Variants in LHFPL6 observed in about 807,000 individuals in gnomAD.
LHFPL6 encodes the protein LHFPL tetraspan subfamily member 6 protein.
In LHFPL6, 9 loss-of-function variants were observed where a neutral mutation model predicts 20.6. The observed-to-expected ratio is 0.44, with a 90% CI of 0.26 to 0.76. The LOEUF is 0.76. Among genes scored for constraint, LHFPL6 ranks in the 30% least tolerant of loss-of-function variants. The probability of loss-of-function intolerance (pLI) is 0.20; values close to 1 mark genes in which losing one functional copy is unlikely to be tolerated. For missense variants in LHFPL6, 218 were observed against 253.5 expected (o/e 0.86, Z 0.95); for synonymous variants, 105 against 98.7 (o/e 1.06, Z -0.38).
chr13:39,394,174 A>G (rs539756060), intron 2 of LHFPL6, among the ~76,000 whole-genome samples: 1 of 152,172 alleles, frequency 6.6e-6, no homozygotes, highest in Non-Finnish European at 1.5e-5. Context: ...TCCTGGCCTC[A>G]AGCAATCCTC....
intron 2 of LHFPL6, among the ~76,000 whole-genome samples, chr13:39,578,293 A>C (rs1436079786): frequency 6.6e-6 from 1 of 152,198 alleles, no homozygotes; most frequent in African/African-American, 2.4e-5. Flanking sequence ...AGCATAAAGC[A>C]ACAGCCGCGG....
At chr13:39,599,943 C>T (rs1347491242) in intron 2 of LHFPL6, among the ~76,000 whole-genome samples, 1 of 152,200 alleles carries the variant, frequency 6.6e-6, no homozygotes, top group African/African-American at 2.4e-5. Flanking sequence ...TATTTCCCTT[C>T]ACTCTGCACT....
At chr13:39,354,031 A>C (rs1009390873) in intron 3 of LHFPL6, among the ~76,000 whole-genome samples, 3 of 152,174 alleles carry the variant, frequency 2.0e-5, no homozygotes, top group East Asian at 3.8e-4. Flanking sequence ...ATGCTTCCAA[A>C]GTCACCAGAG....
At chr13:39,371,310 G>C (rs1870161481) in intron 3 of LHFPL6, among the ~76,000 whole-genome samples, 1 of 152,226 alleles carries the variant, frequency 6.6e-6, no homozygotes, top group South Asian at 2.1e-4. Context: ...GATATAATTA[G>C]AAAAGTCTTT....
intron 3 of LHFPL6, among the ~76,000 whole-genome samples, chr13:39,369,746 G>T (rs1870119035): frequency 6.6e-6 from 1 of 151,388 alleles, no homozygotes; most frequent in African/African-American, 2.4e-5. Flanking sequence ...CACAACTTTT[G>T]TTGCCTAGAA....
In LHFPL6 at chr13:39,401,903, G is replaced by A. The variant is rs60749518; in HGVS notation, c.386-23377C>T. ...GGAAGATAGGGAATGATCCAGGCCT[G>A]TGCTTTACAAAATGAACAATGGGTT... On this transcript the variant is annotated intron_variant, in intron 2 of 3. Transcript: ENST00000379589. Among the ~76,000 whole-genome samples, 580 of 152,286 alleles carry A rather than the reference G, an allele frequency of 3.8e-3. 3 individuals carry two copies. Among genetic ancestry groups the A allele is most frequent in the African/African-American group, 0.013 (558 of 41,560 alleles).
intron 2 of LHFPL6, among the ~76,000 whole-genome samples, chr13:39,562,425 T>TACATACATATAC (rs1871527284): frequency 1.0e-5 from 1 of 99,000 alleles, no homozygotes; most frequent in Non-Finnish European, 2.2e-5. Flanking sequence ...CACATATACA[T>TACATACATATAC]ATATACATAT....
chr13:39,479,203 C>G (rs537662566), intron 2 of LHFPL6, among the ~76,000 whole-genome samples: 16 of 152,066 alleles, frequency 1.1e-4, no homozygotes, highest in African/African-American at 3.9e-4. Flanking sequence ...GACTAATACA[C>G]TAGGTTTTGA....
At chr13:39,353,340 AAAGAG>A (rs1286762852) in intron 3 of LHFPL6, among the ~76,000 whole-genome samples, 1 of 152,128 alleles carries the variant, frequency 6.6e-6, no homozygotes, top group Non-Finnish European at 1.5e-5. Context: ...ATATGCCTAT[AAAGAG>A]AAGACCACCC....
Position 39,343,191 on chromosome 13 carries a change from TA to T in LHFPL6, c.*744del. On this transcript the variant is annotated 3_prime_UTR_variant, in exon 4 of 4. Transcript: ENST00000379589. ...ACATGGAAATACAAAGGCTTAACTC[TA>T]AAGGTCTGCATAAACACTGAAAATA... is the stretch of plus-strand genomic sequence containing the variant. 1 of 210,250 alleles carries T rather than the reference TA, an allele frequency of 4.8e-6. No individual in the cohort carries two copies. Among genetic ancestry groups the T allele is most frequent in the Non-Finnish European group, 9.7e-6 (1 of 103,216 alleles). 13.0% of individuals were successfully genotyped at this position (210,250 alleles called of 1,614,324 possible).
At chr13:39,439,044 G>A (rs902900840) in intron 2 of LHFPL6, among the ~76,000 whole-genome samples, 1 of 152,132 alleles carries the variant, frequency 6.6e-6, no homozygotes, top group Admixed American at 6.5e-5. Context: ...ACCCCAGAAT[G>A]TTAGATCCAT....
At position 39,545,674 on chromosome 13, in the gene LHFPL6, C is replaced by T. The variant is rs117778512; in HGVS notation, c.385+55158G>A. Among the ~76,000 whole-genome samples the T allele has an allele frequency of 8.0e-3, 1,225 of 152,214 alleles. 9 individuals are homozygous for T. The highest frequency in any genetic ancestry group is 0.013 in the Non-Finnish European group (889 of 68,020). ...TGGCATACTATTTGAATATACCCTA[C>T]ATACATCCTCTTGTATACTTTAAAT... On this transcript the variant is annotated intron_variant, in intron 2 of 3. Transcript: ENST00000379589.
chr13:39,348,664 G>A (rs1223644765), intron 3 of LHFPL6, among the ~76,000 whole-genome samples: 1 of 152,118 alleles, frequency 6.6e-6, no homozygotes, highest in Non-Finnish European at 1.5e-5. Context: ...AATGAACAAA[G>A]ACTTTCTTGC....
chr13:39,551,775 A>T (rs1033001995), intron 2 of LHFPL6, among the ~76,000 whole-genome samples: 6 of 152,172 alleles, frequency 3.9e-5, no homozygotes, highest in African/African-American at 1.4e-4. Context: ...CTAAGGAAAA[A>T]ATTAGTTTTT....
chr13:39,526,664 G>C (rs910069303), intron 2 of LHFPL6, among the ~76,000 whole-genome samples: 3 of 152,186 alleles, frequency 2.0e-5, no homozygotes, highest in Non-Finnish European at 2.9e-5. Flanking sequence ...CAAGGTTACA[G>C]ACTAGAACAG....
intron 2 of LHFPL6, among the ~76,000 whole-genome samples, chr13:39,431,417 C>G (rs1871799120): frequency 6.6e-6 from 1 of 152,130 alleles, no homozygotes; most frequent in African/African-American, 2.4e-5. Context: ...TCAGCGAGAC[C>G]AAGAACCCAC....
chr13:39,431,980 C>G (rs1871824698), intron 2 of LHFPL6, among the ~76,000 whole-genome samples: 1 of 151,976 alleles, frequency 6.6e-6, no homozygotes, highest in Non-Finnish European at 1.5e-5. Context: ...AGACGTGGGG[C>G]CTTTTGAGAA....
At chr13:39,565,597 G>T (rs1377408299) in intron 2 of LHFPL6, among the ~76,000 whole-genome samples, 1 of 152,218 alleles carries the variant, frequency 6.6e-6, no homozygotes, top group Non-Finnish European at 1.5e-5. Flanking sequence ...GCGATCTGTT[G>T]TACAGTCTGC....
Position 39,517,730 on chromosome 13 carries a change from T to G in LHFPL6, c.385+83102A>C, listed in dbSNP as rs564700745. ...TAAAAATTGAGATAGGGTCTCTCTA[T>G]GTTGCCAAGGCTGGTCTTGAACTCC... is the stretch of plus-strand genomic sequence containing the variant. On this transcript the variant is annotated intron_variant, in intron 2 of 3. Transcript: ENST00000379589. 5.3e-5 allele frequency among the ~76,000 whole-genome samples: 8 copies of G among 152,314 alleles called. No individual in the cohort carries two copies. The East Asian group carries it at 1.5e-3, about 29-fold the overall frequency.
Sources: allele counts gnomAD v4.1 joint callset (sites outside exome capture counted in the v4.1 genomes callset), GRCh38; gene constraint gnomAD v4.1.1; transcripts MANE v1.5; gene names NCBI Gene and HGNC (gene_info 2026-07-23, HGNC 2026-07-21).